ELOA: variants seen among roughly 807,000 people sequenced by gnomAD.
The protein encoded by ELOA is elongin-A.
Under a neutral mutation model 85.2 loss-of-function variants are expected in ELOA, and 15 were observed. The ratio of observed to expected loss-of-function variants is 0.18; its 90% CI spans 0.12 to 0.27. The LOEUF (loss-of-function observed/expected upper bound fraction) is 0.27. Ranked by LOEUF, ELOA falls within the 10% of genes least tolerant of loss-of-function variation. ELOA has a pLI of 1.00. For missense variants in ELOA, 769 were observed against 952.7 expected, an observed-to-expected ratio of 0.81 and a Z score of 2.54; for synonymous variants, 348 against 357.2, an observed-to-expected ratio of 0.97 and a Z score of 0.29.
Position 23,749,077 on chromosome 1 carries a change from G to A in ELOA, c.132G>A (p.Ala44=), listed in dbSNP as rs1644758361. 1 of 1,610,348 alleles carries A rather than the reference G, an allele frequency of 6.2e-7. No individual in the cohort carries two copies. Among genetic ancestry groups the A allele is most frequent in the Non-Finnish European group, 8.5e-7 (1 of 1,176,944 alleles). Residue 44 remains alanine (A), a splice_region_variant and synonymous_variant, in exon 2 of 11, where the codon GCG becomes GCA. Coordinates refer to ENST00000613537, the MANE Select transcript of ELOA (RefSeq NM_003198.3). ...STLPITVDIL[A]ETGVGKTVNS... ...TGCCTATTACAGTAGACATTCTTGC[G>A]GTAAGAACTGTGTGACTTTAAATAT... is the stretch of plus-strand genomic sequence containing the variant.
intron 5 of ELOA, among the ~76,000 whole-genome samples, 160 bp downstream of exon 5, chr1:23,752,678 C>T (rs1448025740): frequency 1.3e-5 from 2 of 152,038 alleles, no homozygotes; most frequent in Non-Finnish European, 2.9e-5. Flanking sequence ...CGTGGTGGCT[C>T]ACTCCTGTAA....
At chr1:23,746,288 C>T (rs1163764434) in intron 1 of ELOA, among the ~76,000 whole-genome samples, 1 of 120,324 alleles carries the variant, frequency 8.3e-6, no homozygotes, top group African/African-American at 3.1e-5. Context: ...AACTCCGTCT[C>T]AAAAAAAAAA....
At chr1:23,749,750 T>C in intron 2 of ELOA, 92 bp from the exon 3 acceptor site, 1 of 1,078,146 alleles carries the variant, frequency 9.3e-7, no homozygotes, top group Non-Finnish European at 1.4e-6. Context: ...AAGTATTGCT[T>C]GTTGAGTTTC....
intron 2 of ELOA, 58 bp downstream of exon 2, chr1:23,749,135 A>C: frequency 7.0e-7 from 1 of 1,430,514 alleles, no homozygotes; most frequent in Non-Finnish European, 9.8e-7. Flanking sequence ...TTCTCACTGG[A>C]GAGTGTGTAG....
In ELOA at chr1:23,756,034, C is replaced by T. The variant is rs557129999; in HGVS notation, c.1972+11C>T. The stretch of plus-strand genomic sequence containing the variant: ...CCAATAAGCCCAAAGGTAACAGAGA[C>T]GGGAGAGCTGGGGGAGAACTGGCAG... On this transcript the variant is annotated intron_variant, in intron 8 of 10. Transcript: ENST00000613537. 175 of 1,609,016 alleles carry T rather than the reference C, an allele frequency of 1.1e-4. 2 individuals carry two copies. In the South Asian group the frequency reaches 1.7e-3, roughly 16 times the overall value.
chr1:23,754,495 T>C, intron 7 of ELOA, 35 bp downstream of exon 7: 1 of 1,549,216 alleles, frequency 6.5e-7, no homozygotes, highest in Non-Finnish European at 8.9e-7. Context: ...GAGGGCAGTT[T>C]TCTGGCTTGT....
In ELOA at chr1:23,754,106, C is replaced by G; in HGVS notation, c.1544C>G (p.Ser515Cys). Residue 515 changes from serine (S) to cysteine (C), a missense_variant, in exon 6 of 11, where the codon TCT becomes TGT. By Grantham distance (112) the Ser-to-Cys change is moderately radical (BLOSUM62 -1). Transcript: ENST00000613537. ...SSFQPKRKAF[S>C]SPQEEEEAGF... ...TGTTTTTCTTGCCCTATAGCGTTCT[C>G]TTCACCCCAGGAAGAAGAAGAAGCT... 2 of 1,614,162 alleles carry G rather than the reference C, an allele frequency of 1.2e-6. No individual in the cohort carries two copies. The highest frequency in any genetic ancestry group is 1.7e-6 in the Non-Finnish European group (2 of 1,180,024).
intron 7 of ELOA, among the ~76,000 whole-genome samples, chr1:23,754,931 C>G (rs1270240365): frequency 1.0e-4 from 15 of 150,650 alleles, no homozygotes; most frequent in South Asian, 6.3e-4. Context: ...GTTCTATGAC[C>G]TAACACCTTT....
At chr1:23,750,761 T>C in intron 3 of ELOA, 84 bp from the exon 4 acceptor site, 1 of 1,327,382 alleles carries the variant, frequency 7.5e-7, no homozygotes, top group Non-Finnish European at 1.0e-6. Context: ...CATCTTCACT[T>C]CTTTGGTGAG....
At chr1:23,750,140 G>A (rs890513627) in intron 3 of ELOA, among the ~76,000 whole-genome samples, 192 bp downstream of exon 3, 17 of 144,588 alleles carry the variant, frequency 1.2e-4, no homozygotes, top group Non-Finnish European at 2.4e-4. Flanking sequence ...ATCACGCAAA[G>A]ACAAACGTTA....
rs925111001 is a variant in ELOA at position 23,761,836 on chromosome 1, T to G, written c.*2263T>G. 2 of 152,208 alleles carry G rather than the reference T, an allele frequency of 1.3e-5. No individual in the cohort carries two copies. The highest frequency in any genetic ancestry group is 6.5e-5 in the Admixed American group (1 of 15,272). 9.4% of individuals were successfully genotyped at this position (152,208 alleles called of 1,614,324 possible). On this transcript the variant is annotated 3_prime_UTR_variant, in exon 11 of 11. Coordinates refer to ENST00000613537, the MANE Select transcript of ELOA (RefSeq NM_003198.3). ...AATCACCAAATTACAAATTACCCTTTTGTGATCCTTGGTGTACTGAGCAGT... is the reference window on the plus strand; with the variant it reads ...AATCACCAAATTACAAATTACCCTTGTGTGATCCTTGGTGTACTGAGCAGT...
Position 23,757,116 on chromosome 1 carries a change from A to T in ELOA, c.2248A>T (p.Thr750Ser), listed in dbSNP as rs1252277043. The T allele has an allele frequency of 6.4e-7, 1 of 1,555,124 alleles. No homozygotes were observed. The highest frequency in any genetic ancestry group is 2.2e-5 in the Admixed American group (1 of 45,838). Residue 750 changes from threonine to serine, a missense_variant, in exon 10 of 11, where the codon ACT becomes TCT. By Grantham distance (58) the Thr-to-Ser change is moderately conservative. Coordinates refer to ENST00000613537, the MANE Select transcript of ELOA (RefSeq NM_003198.3). ...TGTTTCCTATGATCCTAGGAAACCC[A>T]CTGTGAAGAGTAAGTAACTTGGAGT... ...STVSYDPRKP[T>S]VKKIAPMMAK...
At chr1:23,753,780 G>C (rs915239395) in intron 5 of ELOA, among the ~76,000 whole-genome samples, 4 of 152,130 alleles carry the variant, frequency 2.6e-5, no homozygotes, top group Non-Finnish European at 4.4e-5. Flanking sequence ...TCAGGCTGGA[G>C]TGCAGTAGCT....
At position 23,755,906 on chromosome 1, in the gene ELOA, A is replaced by G. The variant is rs1346761487; in HGVS notation, c.1855A>G (p.Arg619Gly). 2 of 1,613,792 alleles carry G rather than the reference A, an allele frequency of 1.2e-6. No individual in the cohort carries two copies. The highest frequency in any genetic ancestry group is 1.7e-6 in the Non-Finnish European group (2 of 1,179,906). The change falls in exon 8 of 11, where the codon AGA becomes GGA. Residue 619 changes from arginine to glycine, a missense_variant. Physicochemically the swap from Arg to Gly is moderately radical, Grantham distance 125. Around this residue, in one of 4 missense-constraint regions of ELOA, gnomAD observed 193 missense variants for 278.9 expected, o/e 0.69. Transcript: ENST00000613537. ...TTGTCACCGAGACTTTAAGGAAGAAAGACCCGAAGAGTATGAGTCGTGGCG... is the reference window on the plus strand; with the variant it reads ...TTGTCACCGAGACTTTAAGGAAGAAGGACCCGAAGAGTATGAGTCGTGGCG... The part of the protein sequence containing the change: ...VHCHRDFKEE[R>G]PEEYESWREM...
At chr1:23,750,635 G>C (rs1403691308) in intron 3 of ELOA, among the ~76,000 whole-genome samples, 2 of 152,026 alleles carry the variant, frequency 1.3e-5, no homozygotes, top group Non-Finnish European at 2.9e-5. Context: ...TTTGATCTTT[G>C]CATCTTGTGG....
rs1179942030 is a variant in ELOA, at chr1:23,743,520, C to T, written c.17C>T (p.Ala6Val). MAAES[A>V]LQVVEKLQAR... ...GTGACAGCGATGGCGGCGGAGTCGG[C>T]GCTCCAAGTTGTGGAGAAGCTGCAG... The change falls in exon 1 of 11, where the codon GCG becomes GTG. Residue 6 changes from alanine to valine, a missense_variant. Physicochemically the swap from Ala to Val is moderately conservative, Grantham distance 64. This residue lies in a region of ELOA where 440 missense variants were observed against 474.0 expected (regional missense o/e 0.93). Coordinates refer to ENST00000613537, the MANE Select transcript of ELOA (RefSeq NM_003198.3). 3 of 1,503,044 alleles carry T rather than the reference C, an allele frequency of 2.0e-6. No homozygotes were observed. Among genetic ancestry groups the T allele is most frequent in the African/African-American group, 1.4e-5 (1 of 69,264 alleles). 93.1% of individuals were successfully genotyped at this position (1,503,044 alleles called of 1,614,324 possible).
At chr1:23,756,509 C>T (rs1464035474) in intron 9 of ELOA, 124 bp downstream of exon 9, 3 of 799,540 alleles carry the variant, frequency 3.8e-6, no homozygotes, top group African/African-American at 3.5e-5. Flanking sequence ...TGGAGGCAGA[C>T]CTCATCAGCT....
chr1:23,748,704 G>A (rs971981934), intron 1 of ELOA, among the ~76,000 whole-genome samples: 1 of 152,114 alleles, frequency 6.6e-6, no homozygotes, highest in African/African-American at 2.4e-5. Flanking sequence ...GATAGTTGTT[G>A]ATGGCTTTTA....
rs1037920177 is a variant in ELOA at position 23,761,988 on chromosome 1, C to T, written c.*2415C>T. 23 of 151,698 alleles carry T rather than the reference C, an allele frequency of 1.5e-4. No homozygotes were observed. The highest frequency in any genetic ancestry group is 4.8e-4 in the African/African-American group (20 of 41,258). The allele number at this position is 151,698 out of a possible 1,614,324, so 9.4% of individuals were successfully genotyped here. A position where few individuals can be genotyped will look rare whatever the true frequency, so the allele number is the denominator to read the frequency against. On this transcript the variant is annotated 3_prime_UTR_variant, in exon 11 of 11. Transcript: ENST00000613537. The stretch of plus-strand genomic sequence containing the variant: ...TATGTTACTTTTTTGTGGTAACTAC[C>T]GAGATGAATATTTTAATTAGATAAG...
Sources: allele counts gnomAD v4.1 joint callset (sites outside exome capture counted in the v4.1 genomes callset), GRCh38; gene constraint gnomAD v4.1.1; regional missense constraint gnomAD v4.1.1; transcripts MANE v1.5; gene names NCBI Gene and HGNC (gene_info 2026-07-23, HGNC 2026-07-21).